Variants in PSD3 observed in about 807,000 individuals in gnomAD.
The protein encoded by PSD3 is pleckstrin and Sec7 domain containing 3, also known as PH and SEC7 domain-containing protein 3.
A neutral mutation model predicts 105.5 loss-of-function variants in PSD3; 49 were observed. The ratio of observed to expected loss-of-function variants is 0.46; its 90% CI spans 0.37 to 0.59. The LOEUF (loss-of-function observed/expected upper bound fraction) is 0.59, where lower values mean the gene tolerates loss of function less well. Among genes scored for constraint, PSD3 ranks in the 20% least tolerant of loss-of-function variants. PSD3 has a pLI of 0.00. For missense variants in PSD3, 1,561 were observed against 1,263.8 expected (o/e 1.24, Z -3.57); for synonymous variants, 557 against 457.8 (o/e 1.22, Z -2.77).
chr8:18,544,978 G>T (rs1445084624), intron 15 of PSD3, among the ~76,000 whole-genome samples: 1 of 152,196 alleles, frequency 6.6e-6, no homozygotes, highest in Non-Finnish European at 1.5e-5. Flanking sequence ...AAGACCAGGA[G>T]TAGAAAGCAG....
chr8:18,973,615 TA>T (rs1391361795), intron 1 of PSD3, among the ~76,000 whole-genome samples: 10 of 152,162 alleles, frequency 6.6e-5, no homozygotes, highest in Non-Finnish European at 1.5e-5. Flanking sequence ...CACTATGGGT[TA>T]GAACTTGAAC....
At chr8:18,705,927 C>G (rs75032693) in intron 9 of PSD3, among the ~76,000 whole-genome samples, 3,891 of 152,290 alleles carry the variant, frequency 0.026, 351 homozygotes, top group East Asian at 0.16. Flanking sequence ...ATATCTACTG[C>G]ATATCCTACT....
intron 9 of PSD3, among the ~76,000 whole-genome samples, chr8:18,762,568 A>G (rs1806629656): frequency 6.6e-6 from 1 of 152,180 alleles, no homozygotes; most frequent in South Asian, 2.1e-4. Context: ...CTGATATCCA[A>G]CTTATTTCAC....
At chr8:18,768,163 G>C (rs1807190157) in intron 8 of PSD3, among the ~76,000 whole-genome samples, 1 of 149,990 alleles carries the variant, frequency 6.7e-6, no homozygotes. Flanking sequence ...GCGGGCGCCT[G>C]TAATCCCAGC....
At chr8:19,078,177 T>C (rs1430729381) in intron 1 of PSD3, among the ~76,000 whole-genome samples, 2 of 152,046 alleles carry the variant, frequency 1.3e-5, no homozygotes, top group Admixed American at 6.6e-5. Context: ...ATTACAGGCA[T>C]GAGTCACCGA....
At chr8:19,007,031 G>A (rs1826712585) in intron 1 of PSD3, among the ~76,000 whole-genome samples, 1 of 152,070 alleles carries the variant, frequency 6.6e-6, no homozygotes, top group African/African-American at 2.4e-5. Flanking sequence ...GAGGGGGACA[G>A]ATCACCTGAG....
intron 11 of PSD3, among the ~76,000 whole-genome samples, chr8:18,625,861 A>G (rs1806436539): frequency 6.6e-6 from 1 of 152,152 alleles, no homozygotes; most frequent in Non-Finnish European, 1.5e-5. Flanking sequence ...AAGCTCTAAT[A>G]TTTAGCAATC....
chr8:18,943,196 C>T (rs934222561), intron 1 of PSD3, among the ~76,000 whole-genome samples: 1 of 152,226 alleles, frequency 6.6e-6, no homozygotes, highest in African/African-American at 2.4e-5. Context: ...CAACCCCACA[C>T]CACTTTTGCA....
chr8:18,692,480 C>T (rs1180711024), intron 9 of PSD3, among the ~76,000 whole-genome samples: 1 of 152,218 alleles, frequency 6.6e-6, no homozygotes, highest in East Asian at 1.9e-4. Context: ...AAAGAGGGAA[C>T]AGCAGTCTGT....
chr8:18,560,622 C>T (rs922492818), intron 14 of PSD3, among the ~76,000 whole-genome samples: 2 of 151,808 alleles, frequency 1.3e-5, no homozygotes, highest in African/African-American at 4.8e-5. Context: ...AGATTTAAAT[C>T]AGTAAGACCT....
At chr8:19,084,283 C>T (rs547199676) in exon 1 of PSD3, 67 of 456,296 alleles carry the variant, frequency 1.5e-4, no homozygotes, top group African/African-American at 1.2e-3. Context: ...TAGAGCCATG[C>T]CCTTGTCGCC....
intron 8 of PSD3, 66 bp from the exon 9 acceptor site, chr8:18,765,604 T>C (rs1024587235): frequency 2.3e-6 from 3 of 1,283,160 alleles, no homozygotes; most frequent in Non-Finnish European, 3.4e-6. Flanking sequence ...CATAAATATA[T>C]GATGAGGCAG....
intron 10 of PSD3, among the ~76,000 whole-genome samples, chr8:18,649,844 C>A (rs1808341981): frequency 6.6e-6 from 1 of 152,150 alleles, no homozygotes; most frequent in Non-Finnish European, 1.5e-5. Flanking sequence ...ACTTCCACCC[C>A]ACCCTGCTCT....
intron 2 of PSD3, among the ~76,000 whole-genome samples, chr8:18,915,497 T>A (rs1820525194): frequency 1.3e-5 from 2 of 152,170 alleles, no homozygotes; most frequent in Admixed American, 1.3e-4. Context: ...ATATATACAT[T>A]TTATTTGTCA....
At chr8:18,665,336 G>T (rs1186014624) in intron 9 of PSD3, among the ~76,000 whole-genome samples, 3 of 152,206 alleles carry the variant, frequency 2.0e-5, no homozygotes, top group Non-Finnish European at 4.4e-5. Context: ...ACTTTGGGGG[G>T]TTTGAGACTT....
intron 2 of PSD3, among the ~76,000 whole-genome samples, chr8:18,882,580 A>G (rs944923454): frequency 1.1e-4 from 16 of 152,150 alleles, no homozygotes; most frequent in Non-Finnish European, 2.4e-4. Context: ...ATCTCAGCCT[A>G]TTCTAGAATT....
intron 9 of PSD3, among the ~76,000 whole-genome samples, chr8:18,661,131 G>A (rs1344955728): frequency 6.6e-6 from 1 of 151,986 alleles, no homozygotes; most frequent in Admixed American, 6.6e-5. Flanking sequence ...CACAGTTGAT[G>A]GAATTCGTGT....
intron 15 of PSD3, among the ~76,000 whole-genome samples, chr8:18,550,576 G>C (rs1331321460): frequency 6.6e-6 from 1 of 152,086 alleles, no homozygotes; most frequent in Non-Finnish European, 1.5e-5. Flanking sequence ...CATTAACTTA[G>C]CCCAGCCTAC....
At chr8:19,008,092 C>T (rs1826779338) in intron 1 of PSD3, among the ~76,000 whole-genome samples, 2 of 152,196 alleles carry the variant, frequency 1.3e-5, no homozygotes, top group African/African-American at 4.8e-5. Context: ...GATCCACCCG[C>T]CTCGGGCTCC....
Sources: allele counts gnomAD v4.1 joint callset (sites outside exome capture counted in the v4.1 genomes callset), GRCh38; gene constraint gnomAD v4.1.1; transcripts MANE v1.5; gene names NCBI Gene and HGNC (gene_info 2026-07-23, HGNC 2026-07-21).